The following COL19A1 variants were observed in gnomAD, a reference collection of about 807,000 sequenced individuals.
COL19A1 encodes the protein collagen type XIX alpha 1 chain.
COL19A1 carries 159 observed loss-of-function variants against 190.2 expected under a neutral mutation model. The ratio of observed to expected loss-of-function variants is 0.84; its 90% CI spans 0.73 to 0.95. COL19A1 has a LOEUF of 0.95. Ranked by LOEUF, COL19A1 falls within the 40% of genes least tolerant of loss-of-function variation. The probability of loss-of-function intolerance (pLI) is 0.00; values close to 1 mark genes in which losing one functional copy is unlikely to be tolerated. For missense variants in COL19A1, 1,418 were observed against 1,431.9 expected (o/e 0.99, Z 0.16); for synonymous variants, 509 against 458.9 (o/e 1.11, Z -1.39).
intron 15 of COL19A1, among the ~76,000 whole-genome samples, chr6:70,089,906 G>T (rs1028928954): frequency 6.6e-6 from 1 of 151,976 alleles, no homozygotes; most frequent in South Asian, 2.1e-4. Context: ...AAAACAATGG[G>T]CTGGGTAAAT....
rs761625876 is a variant in COL19A1, at chr6:69,929,684, A to G, written c.650A>G (p.Asp217Gly). The change falls in exon 6 of 51, where the codon GAT becomes GGT. Residue 217 changes from aspartate to glycine, a missense_variant. Physicochemically the swap from Asp to Gly is moderately conservative, Grantham distance 94. Transcript: ENST00000620364. ...ACAGTTATTGCTACGCGAGCTTCAG[A>G]TGGCAAGCCTGTGGATGTAAGTTGT... ...GRTVIATRAS[D>G]GKPVDIELHQ... is the part of the protein sequence containing the mutation. The G allele has an allele frequency of 3.7e-6, 6 of 1,612,382 alleles. No individual in the cohort carries two copies. The Admixed American group carries it at 8.3e-5, about 22-fold the overall frequency.
rs759832243 is a variant in COL19A1 at position 70,161,918 on chromosome 6, G to A, written c.2311G>A (p.Gly771Ser). The A allele has an allele frequency of 6.2e-7, 1 of 1,607,682 alleles. No homozygotes were observed. The highest frequency in any genetic ancestry group is 1.1e-5 in the South Asian group (1 of 90,154). ...KGDEGLQGIP[G>S]IPGAPGPTGP... ...TTTCCAGGGTCTTCAAGGAATTCCAGGCATTCCAGGTGCTCCAGGCCCGAC... is the reference window on the plus strand; with the variant it reads ...TTTCCAGGGTCTTCAAGGAATTCCAAGCATTCCAGGTGCTCCAGGCCCGAC... Residue 771 changes from glycine (G) to serine (S), a missense_variant, in exon 35 of 51, where the codon GGC (glycine) becomes AGC (serine). Physicochemically the swap from Gly to Ser is moderately conservative, Grantham distance 56. Coordinates refer to ENST00000620364, the MANE Select transcript of COL19A1 (RefSeq NM_001858.6).
intron 11 of COL19A1, among the ~76,000 whole-genome samples, chr6:69,996,249 A>G (rs1388575881): frequency 3.3e-5 from 5 of 152,188 alleles, no homozygotes; most frequent in African/African-American, 9.6e-5. Flanking sequence ...AGAAAAAGAC[A>G]TGTATATTCG....
intron 2 of COL19A1, chr6:69,891,181 G>C (rs1769320018): frequency 6.4e-6 from 1 of 155,072 alleles, no homozygotes. Context: ...CACAGGGAGA[G>C]GGAGGCCAAA....
chr6:70,042,787 C>T (rs1422909761), intron 14 of COL19A1, among the ~76,000 whole-genome samples: 1 of 152,170 alleles, frequency 6.6e-6, no homozygotes, highest in Non-Finnish European at 1.5e-5. Flanking sequence ...TCTTCCTTGT[C>T]ATTTCAACAA....
intron 22 of COL19A1, 72 bp downstream of exon 22, chr6:70,142,148 G>A: frequency 1.5e-6 from 2 of 1,323,522 alleles, no homozygotes; most frequent in Non-Finnish European, 2.1e-6. Context: ...AAAACATGGT[G>A]CTTTGGTATG....
chr6:70,173,672 G>A (rs1562243388), intron 41 of COL19A1, among the ~76,000 whole-genome samples: 1 of 152,162 alleles, frequency 6.6e-6, no homozygotes, highest in Admixed American at 6.5e-5. Flanking sequence ...AACAACCGTG[G>A]ACTTGAATGG....
intron 48 of COL19A1, among the ~76,000 whole-genome samples, chr6:70,194,809 TCAAACATGGGACCAATAAG>T (rs1767088226): frequency 6.6e-6 from 1 of 152,030 alleles, no homozygotes; most frequent in Non-Finnish European, 1.5e-5. Flanking sequence ...AGTTCTTGAG[TCAAACATGGGACCAATAAG>T]CCCACACCTC....
rs948694975 is a variant in COL19A1, at chr6:70,019,649, G to A, written c.1027-3978G>A. 2.0e-5 allele frequency among the ~76,000 whole-genome samples: 3 copies of A among 151,994 alleles called. No individual in the cohort carries two copies. In the South Asian group the frequency reaches 6.2e-4, roughly 32 times the overall value. ...CATGCATTCTTTTTCCTTTGGTTAG[G>A]ATTTCGTTGAAGTTTTTATTAGACT... is the stretch of plus-strand genomic sequence containing the variant. On this transcript the variant is annotated intron_variant, in intron 11 of 50. Coordinates refer to ENST00000620364, the MANE Select transcript of COL19A1 (RefSeq NM_001858.6).
chr6:70,092,672 A>G (rs775324162), intron 15 of COL19A1, among the ~76,000 whole-genome samples: 5 of 152,158 alleles, frequency 3.3e-5, no homozygotes, highest in Non-Finnish European at 7.4e-5. Flanking sequence ...TTCATTTGTC[A>G]GACAGTTATT....
intron 12 of COL19A1, among the ~76,000 whole-genome samples, chr6:70,031,316 G>A (rs1779060887): frequency 1.3e-5 from 2 of 151,848 alleles, no homozygotes; most frequent in African/African-American, 4.8e-5. Context: ...ATCAAATCAG[G>A]ATGTTTAGGT....
chr6:70,135,239 C>G (rs991731648), intron 18 of COL19A1, among the ~76,000 whole-genome samples: 10 of 152,204 alleles, frequency 6.6e-5, no homozygotes, highest in Admixed American at 1.3e-4. Context: ...TACAGAAGCT[C>G]TCTGAACCCA....
At chr6:70,045,737 C>T (rs1435259315) in intron 14 of COL19A1, among the ~76,000 whole-genome samples, 1 of 152,136 alleles carries the variant, frequency 6.6e-6, no homozygotes, top group Non-Finnish European at 1.5e-5. Context: ...TTTGACAAAC[C>T]AACCCCACTT....
intron 12 of COL19A1, among the ~76,000 whole-genome samples, chr6:70,025,458 G>A (rs1778683728): frequency 6.6e-6 from 1 of 152,210 alleles, no homozygotes; most frequent in South Asian, 2.1e-4. Context: ...TTGAGTGCCT[G>A]CTACATGTAA....
chr6:70,159,153 AAAAAAAGGAATAC>A (rs903264845), intron 34 of COL19A1, among the ~76,000 whole-genome samples: 2 of 151,964 alleles, frequency 1.3e-5, no homozygotes, highest in Non-Finnish European at 2.9e-5. Flanking sequence ...GTAGCAAAAA[AAAAAAAGGAATAC>A]ATATATACGT....
chr6:69,973,720 A>G (rs1775557852), intron 11 of COL19A1: 1 of 152,248 alleles, frequency 6.6e-6, no homozygotes. Context: ...GTAAATCTCA[A>G]TTAATAAATA....
At chr6:70,104,388 A>T (rs1783822220) in intron 16 of COL19A1, among the ~76,000 whole-genome samples, 1 of 152,172 alleles carries the variant, frequency 6.6e-6, no homozygotes, top group Non-Finnish European at 1.5e-5. Context: ...TGGCAGCAGG[A>T]AAGAGCGAGT....
intron 15 of COL19A1, among the ~76,000 whole-genome samples, chr6:70,085,385 G>A (rs1187848426): frequency 6.6e-6 from 1 of 152,180 alleles, no homozygotes; most frequent in South Asian, 2.1e-4. Flanking sequence ...CATTAAGCCA[G>A]TTAGCACTGT....
chr6:69,979,297 G>C (rs571073627), intron 11 of COL19A1, among the ~76,000 whole-genome samples: 1 of 151,822 alleles, frequency 6.6e-6, no homozygotes, highest in East Asian at 1.9e-4. Context: ...TTACCAAACA[G>C]AATTCAACCA....
Sources: allele counts gnomAD v4.1 joint callset (sites outside exome capture counted in the v4.1 genomes callset), GRCh38; gene constraint gnomAD v4.1.1; transcripts MANE v1.5; gene names NCBI Gene and HGNC (gene_info 2026-07-23, HGNC 2026-07-21).